DLGAP2: variants seen among roughly 807,000 people sequenced by gnomAD.
DLGAP2 encodes DLG associated protein 2.
Under a neutral mutation model 100.3 loss-of-function variants are expected in DLGAP2, and 26 were observed. That is an observed-to-expected ratio of 0.26 (90% confidence interval 0.19 to 0.36). DLGAP2 has a LOEUF of 0.36. Ranked by LOEUF, DLGAP2 falls within the 10% of genes least tolerant of loss-of-function variation. The pLI is 1.00. For missense variants in DLGAP2, 1,858 were observed against 1,453.2 expected (o/e 1.28, Z -4.53); for synonymous variants, 886 against 630.1 (o/e 1.41, Z -6.08).
At chr8:1,459,275 C>G (rs1417544844) in intron 3 of DLGAP2, among the ~76,000 whole-genome samples, 1 of 137,572 alleles carries the variant, frequency 7.3e-6, no homozygotes, top group Non-Finnish European at 1.6e-5. Flanking sequence ...CATGCATATA[C>G]CTGAGGTGTC....
At chr8:1,111,478 T>C (rs1362684410) in intron 2 of DLGAP2, among the ~76,000 whole-genome samples, 1 of 152,076 alleles carries the variant, frequency 6.6e-6, no homozygotes, top group Non-Finnish European at 1.5e-5. Context: ...AGAGATGTAT[T>C]GTATAGGTTA....
Position 1,345,838 on chromosome 8 carries a change from G to A in DLGAP2, c.106+86955G>A, listed in dbSNP as rs527877901. Among the ~76,000 whole-genome samples, 7 of 152,326 alleles carry A rather than the reference G, an allele frequency of 4.6e-5. No individual in the cohort carries two copies. In the East Asian group the frequency reaches 9.6e-4, roughly 21 times the overall value. On this transcript the variant is annotated intron_variant, in intron 3 of 14. Transcript: ENST00000637795. Reference sequence around the variant, plus strand: ...AGCATTGTTGTAAAATTAACTGAGCGTGCTTAGAGTGCACTGCTTGTCATT... The same window carrying A: ...AGCATTGTTGTAAAATTAACTGAGCATGCTTAGAGTGCACTGCTTGTCATT...
At chr8:1,080,612 C>G (rs1298580087) in intron 2 of DLGAP2, among the ~76,000 whole-genome samples, 1 of 152,166 alleles carries the variant, frequency 6.6e-6, no homozygotes, top group Non-Finnish European at 1.5e-5. Context: ...GTAAGGGACT[C>G]ATCAGGCGGA....
At chr8:1,033,884 G>A (rs370933649) in intron 2 of DLGAP2, among the ~76,000 whole-genome samples, 5 of 110,156 alleles carry the variant, frequency 4.5e-5, no homozygotes, top group Admixed American at 1.9e-4. Flanking sequence ...TCCCGACCCC[G>A]CGTGTCACCG....
intron 3 of DLGAP2, among the ~76,000 whole-genome samples, chr8:1,489,682 A>G (rs1342185756): frequency 6.6e-6 from 1 of 152,236 alleles, no homozygotes; most frequent in Non-Finnish European, 1.5e-5. Flanking sequence ...ATCAGAGCCC[A>G]TCGCTGTGAG....
chr8:947,762 C>G (rs1282757663), intron 2 of DLGAP2, among the ~76,000 whole-genome samples: 2 of 152,210 alleles, frequency 1.3e-5, no homozygotes, highest in Non-Finnish European at 2.9e-5. Flanking sequence ...TCCGGCTCCC[C>G]GGTCCCTCCT....
At chr8:1,579,592 A>G (rs969491206) in intron 6 of DLGAP2, among the ~76,000 whole-genome samples, 13 of 152,146 alleles carry the variant, frequency 8.5e-5, no homozygotes, top group Admixed American at 2.6e-4. Context: ...ACAAATCAAT[A>G]AAGAAAAAAA....
rs143658812 is a variant in DLGAP2 at position 1,031,763 on chromosome 8, A to G, written c.73+123797A>G. Among the ~76,000 whole-genome samples the G allele has an allele frequency of 3.6e-3, 551 of 152,374 alleles. 11 individuals carry two copies. Among genetic ancestry groups the G allele is most frequent in the Admixed American group, 0.035 (528 of 15,304 alleles). ...GAAGTATGGAAATAGTTTATTTAGTACATTTTTATTAAGAATGAGTTTACC... is the reference window on the plus strand; with the variant it reads ...GAAGTATGGAAATAGTTTATTTAGTGCATTTTTATTAAGAATGAGTTTACC... On this transcript the variant is annotated intron_variant, in intron 2 of 14. Coordinates refer to ENST00000637795, the MANE Select transcript of DLGAP2 (RefSeq NM_001346810.2).
chr8:1,090,342 T>G (rs1804136095), intron 2 of DLGAP2, among the ~76,000 whole-genome samples: 1 of 132,606 alleles, frequency 7.5e-6, no homozygotes. Flanking sequence ...GTCTGCCCTC[T>G]GGGGCCCTCC....
intron 2 of DLGAP2, among the ~76,000 whole-genome samples, chr8:926,784 C>G (rs576653438): frequency 2.6e-5 from 4 of 152,352 alleles, no homozygotes; most frequent in African/African-American, 9.6e-5. Flanking sequence ...CAGAGCTGGC[C>G]GCACCCACAG....
intron 2 of DLGAP2, among the ~76,000 whole-genome samples, chr8:957,409 G>A (rs1042219972): frequency 6.6e-6 from 1 of 152,158 alleles, no homozygotes; most frequent in Non-Finnish European, 1.5e-5. Flanking sequence ...GCTGTGTCTT[G>A]GAAGCTGGGT....
intron 2 of DLGAP2, among the ~76,000 whole-genome samples, chr8:1,048,446 G>A (rs1016349022): frequency 6.6e-6 from 1 of 152,052 alleles, no homozygotes. Context: ...CACAGGTAGC[G>A]ACGGCATCGT....
intron 2 of DLGAP2, among the ~76,000 whole-genome samples, chr8:1,197,999 A>C (rs921911990): frequency 6.6e-6 from 1 of 152,142 alleles, no homozygotes; most frequent in Non-Finnish European, 1.5e-5. Context: ...ACCTTTGAGG[A>C]GTAGCCTGGG....
intron 2 of DLGAP2, among the ~76,000 whole-genome samples, chr8:1,160,220 TA>T (rs1466497010): frequency 2.0e-5 from 3 of 152,176 alleles, no homozygotes; most frequent in Non-Finnish European, 2.9e-5. Context: ...CCTGTATAAA[TA>T]GCACAGTTTT....
chr8:839,169 G>T (rs1315483328), intron 1 of DLGAP2, among the ~76,000 whole-genome samples: 2 of 152,136 alleles, frequency 1.3e-5, no homozygotes, highest in Non-Finnish European at 2.9e-5. Context: ...TATGAAAACA[G>T]TATGCAGGTT....
rs549884859 is a variant in DLGAP2 at position 894,562 on chromosome 8, A to G, written c.19-13350A>G. On this transcript the variant is annotated intron_variant, in intron 1 of 14. Transcript: ENST00000637795. ...GCTGATCTCACTCACGTGGGAATCT[A>G]TGACAAGGCAAATGTATGGAGGCGG... Among the ~76,000 whole-genome samples the G allele has an allele frequency of 4.1e-5, 6 of 144,648 alleles. No homozygotes were observed. In the South Asian group the frequency reaches 1.2e-3, roughly 29 times the overall value. The allele number at this position is 144,648 out of a possible 152,430, so 94.9% of individuals were successfully genotyped here.
intron 6 of DLGAP2, among the ~76,000 whole-genome samples, chr8:1,575,153 C>T (rs927035092): frequency 6.6e-6 from 1 of 152,210 alleles, no homozygotes; most frequent in African/African-American, 2.4e-5. Context: ...CACACCGTAT[C>T]TGCTGCATTT....
chr8:1,533,315 G>T (rs897651674), intron 4 of DLGAP2, among the ~76,000 whole-genome samples: 1 of 151,930 alleles, frequency 6.6e-6, no homozygotes, highest in Admixed American at 6.6e-5. Context: ...TGGCTAACAT[G>T]GTGAAACCCC....
At chr8:1,470,228 G>T (rs909321747) in intron 3 of DLGAP2, among the ~76,000 whole-genome samples, 2 of 152,036 alleles carry the variant, frequency 1.3e-5, no homozygotes, top group Non-Finnish European at 2.9e-5. Context: ...GCTTCACTCC[G>T]CTGTCTCGCT....
Sources: allele counts gnomAD v4.1 joint callset (sites outside exome capture counted in the v4.1 genomes callset), GRCh38; gene constraint gnomAD v4.1.1; transcripts MANE v1.5; gene names NCBI Gene and HGNC (gene_info 2026-07-23, HGNC 2026-07-21).